Variants in FHIT observed in about 807,000 individuals in gnomAD.
FHIT encodes the protein bis(5'-adenosyl)-triphosphatase.
FHIT carries 19 observed loss-of-function variants against 17.9 expected under a neutral mutation model. The observed-to-expected ratio is 1.06, with a 90% CI of 0.74 to 1.56. The LOEUF is 1.56. Among genes scored for constraint, FHIT ranks in the 40% most tolerant of loss-of-function variants. The pLI, the probability that FHIT is intolerant of heterozygous loss-of-function variation, is 0.00. For missense variants in FHIT, 248 were observed against 189.2 expected, an observed-to-expected ratio of 1.31 and a Z score of -1.82; for synonymous variants, 81 against 69.7, an observed-to-expected ratio of 1.16 and a Z score of -0.81.
intron 2 of FHIT, among the ~76,000 whole-genome samples, chr3:61,142,919 T>C (rs2037126744): frequency 6.6e-6 from 1 of 152,210 alleles, no homozygotes; most frequent in Admixed American, 6.5e-5. Context: ...AAGCTTTTTT[T>C]CACTATCTTA....
intron 5 of FHIT, among the ~76,000 whole-genome samples, chr3:60,383,199 CT>C (rs1700877843): frequency 6.6e-6 from 1 of 152,058 alleles, no homozygotes; most frequent in South Asian, 2.1e-4. Flanking sequence ...CAGTGACTTC[CT>C]AAAGCTGTAA....
At chr3:60,550,611 AT>A (rs5849376) in intron 4 of FHIT, among the ~76,000 whole-genome samples, 92,309 of 138,320 alleles carry the variant, frequency 0.67, 30,060 homozygotes, top group African/African-American at 0.78. Flanking sequence ...CTGTTCTGTC[AT>A]TTTTTTTTTT....
At chr3:60,291,827 G>T (rs1707998261) in intron 5 of FHIT, among the ~76,000 whole-genome samples, 1 of 152,100 alleles carries the variant, frequency 6.6e-6, no homozygotes, top group South Asian at 2.1e-4. Context: ...TGGAAAGAGA[G>T]GAAAGATTGG....
chr3:61,074,296 T>C (rs1361982885), intron 2 of FHIT, among the ~76,000 whole-genome samples: 3 of 152,156 alleles, frequency 2.0e-5, no homozygotes, highest in African/African-American at 7.2e-5. Flanking sequence ...TTTTTAGAAA[T>C]GAGACATCTC....
At chr3:60,677,735 G>C (rs533436627) in intron 4 of FHIT, among the ~76,000 whole-genome samples, 72 of 152,146 alleles carry the variant, frequency 4.7e-4, no homozygotes, top group African/African-American at 1.7e-3. Context: ...AGTTTCAGTA[G>C]GATGAGTATC....
chr3:60,932,190 C>A (rs139635152), intron 3 of FHIT, among the ~76,000 whole-genome samples: 2 of 152,182 alleles, frequency 1.3e-5, no homozygotes, highest in African/African-American at 4.8e-5. Context: ...TTCATTTATT[C>A]TCACGATCAC....
intron 5 of FHIT, among the ~76,000 whole-genome samples, chr3:60,186,407 C>T (rs186157838): frequency 1.2e-3 from 181 of 152,190 alleles, no homozygotes; most frequent in Admixed American, 2.3e-3. Flanking sequence ...CTTTTGTGCC[C>T]TTGTCAAAGG....
intron 3 of FHIT, among the ~76,000 whole-genome samples, chr3:60,913,066 C>T (rs1553766306): frequency 6.6e-6 from 1 of 152,208 alleles, no homozygotes; most frequent in African/African-American, 2.4e-5. Flanking sequence ...TAGGTGAAAG[C>T]ATTGCCATGA....
chr3:60,674,981 T>A (rs782407518), intron 4 of FHIT, among the ~76,000 whole-genome samples: 5 of 152,162 alleles, frequency 3.3e-5, no homozygotes, highest in Admixed American at 1.3e-4. Flanking sequence ...AACTCTGCCT[T>A]ATCAGTTCAT....
chr3:60,019,553 G>A (rs563253348), intron 5 of FHIT, among the ~76,000 whole-genome samples: 1 of 151,836 alleles, frequency 6.6e-6, no homozygotes, highest in East Asian at 2.0e-4. Flanking sequence ...CAAGTAGCTG[G>A]GAATACAGGC....
intron 4 of FHIT, among the ~76,000 whole-genome samples, chr3:60,750,186 T>C (rs538018435): frequency 1.1e-4 from 16 of 152,032 alleles, no homozygotes; most frequent in Non-Finnish European, 2.1e-4. Flanking sequence ...ATGAACGTAG[T>C]CAAAGGCAAT....
chr3:61,207,099 C>G (rs1375680919), intron 1 of FHIT, among the ~76,000 whole-genome samples: 2 of 152,184 alleles, frequency 1.3e-5, no homozygotes, highest in Admixed American at 6.5e-5. Flanking sequence ...GTCTTTGGTT[C>G]TGTTTATATG....
intron 8 of FHIT, among the ~76,000 whole-genome samples, chr3:59,843,765 T>A: frequency 6.6e-6 from 1 of 152,142 alleles, no homozygotes; most frequent in Non-Finnish European, 1.5e-5. Context: ...TTATTACTCC[T>A]TACAGATTTT....
chr3:60,533,686 G>T (rs900025200), intron 5 of FHIT, among the ~76,000 whole-genome samples: 4 of 152,204 alleles, frequency 2.6e-5, no homozygotes, highest in African/African-American at 9.6e-5. Flanking sequence ...TCCAGTTGAG[G>T]TGAGGGGCAG....
At chr3:61,044,778 G>C (rs2033701549) in intron 2 of FHIT, among the ~76,000 whole-genome samples, 1 of 152,190 alleles carries the variant, frequency 6.6e-6, no homozygotes, top group African/African-American at 2.4e-5. Context: ...ACTAACAGCG[G>C]ATCTCTCAGC....
At position 60,118,792 on chromosome 3, in the gene FHIT, G is replaced by C. The variant is rs1490191356; in HGVS notation, c.104-104640C>G. ...GGGGCGGCGGGGGGGGGGGGGTGGT[G>C]AATCACCTGAAGTCAGGAGTTTGAG... On this transcript the variant is annotated intron_variant, in intron 5 of 9. Coordinates refer to ENST00000492590, the MANE Select transcript of FHIT (RefSeq NM_002012.4). Among the ~76,000 whole-genome samples, 3 of 141,336 alleles carry C rather than the reference G, an allele frequency of 2.1e-5. No homozygotes were observed. In the South Asian group the frequency reaches 7.0e-4, roughly 33 times the overall value. 92.7% of individuals were successfully genotyped at this position (141,336 alleles called of 152,430 possible).
chr3:60,107,052 G>T, intron 5 of FHIT, among the ~76,000 whole-genome samples: 2 of 151,174 alleles, frequency 1.3e-5, no homozygotes, highest in African/African-American at 2.4e-5. Flanking sequence ...GTTTTAAAAA[G>T]CTGAATTTTA....
Position 60,807,409 on chromosome 3 carries a change from C to CAAAAAAAAAGAA in FHIT, c.-18+14498_-18+14509dup, listed in dbSNP as rs1553734626. ...GCAACATAGGGACACCCTGTCTCTACAAAAAAAAAGAAAAAAAAAAAGAAA... is the reference window on the plus strand; with the variant it reads ...GCAACATAGGGACACCCTGTCTCTACAAAAAAAAAGAAAAAAAAAAAGAAAAAAAAAAAGAAA... On this transcript the variant is annotated intron_variant, in intron 4 of 9. Coordinates refer to ENST00000492590, the MANE Select transcript of FHIT (RefSeq NM_002012.4). Among the ~76,000 whole-genome samples the CAAAAAAAAAGAA allele has an allele frequency of 9.2e-4, 131 of 141,762 alleles. 1 individual carries two copies. Among genetic ancestry groups the CAAAAAAAAAGAA allele is most frequent in the African/African-American group, 3.3e-3 (126 of 38,188 alleles). The allele number at this position is 141,762 out of a possible 152,430, so 93.0% of individuals were successfully genotyped here.
chr3:60,712,134 A>C (rs2041552109), intron 4 of FHIT, among the ~76,000 whole-genome samples: 1 of 152,198 alleles, frequency 6.6e-6, no homozygotes, highest in Non-Finnish European at 1.5e-5. Flanking sequence ...TTCTTAAAGA[A>C]AAGAATTTTC....
Sources: gnomAD v4.1 joint callset for allele counts (sites outside exome capture counted in the v4.1 genomes callset) on GRCh38, gnomAD v4.1.1 for gene constraint, MANE v1.5 for transcripts, NCBI Gene and HGNC (gene_info 2026-07-23, HGNC 2026-07-21) for gene names.